ASTN2: variants seen among roughly 807,000 people sequenced by gnomAD.
The protein encoded by ASTN2 is astrotactin-2.
A neutral mutation model predicts 139.8 loss-of-function variants in ASTN2; 54 were observed. The ratio of observed to expected loss-of-function variants is 0.39; its 90% CI spans 0.31 to 0.48. ASTN2 has a LOEUF of 0.48. ASTN2 is among the 20% of genes least tolerant of loss of function. The probability of loss-of-function intolerance (pLI) is 0.95; values close to 1 mark genes in which losing one functional copy is unlikely to be tolerated. For missense variants in ASTN2, 1,565 were observed against 1,725.1 expected (o/e 0.91, Z 1.64); for synonymous variants, 756 against 719.5 (o/e 1.05, Z -0.81).
At chr9:117,027,627 G>T (rs1008345512) in intron 6 of ASTN2, among the ~76,000 whole-genome samples, 2 of 152,294 alleles carry the variant, frequency 1.3e-5, no homozygotes, top group African/African-American at 4.8e-5. Context: ...AATGGGAAAA[G>T]ATGCTAGCAG....
At chr9:116,801,585 C>CAAAAAAAAAAAAAAAAAAAAAAAAAAA (rs397893932) in intron 13 of ASTN2, among the ~76,000 whole-genome samples, 14 of 60,368 alleles carry the variant, frequency 2.3e-4, no homozygotes, top group African/African-American at 3.0e-4. Context: ...GGCTCTGTCT[C>CAAAAAAAAAAAAAAAAAAAAAAAAAAA]AAAAAAAAAA....
chr9:116,660,858 T>C (rs1428841880), intron 16 of ASTN2, among the ~76,000 whole-genome samples: 1 of 152,186 alleles, frequency 6.6e-6, no homozygotes, highest in East Asian at 1.9e-4. Context: ...GGATACTAAC[T>C]CCTCATCCAA....
intron 1 of ASTN2, among the ~76,000 whole-genome samples, chr9:117,304,332 A>G (rs972331987): frequency 3.9e-5 from 6 of 152,128 alleles, no homozygotes; most frequent in Non-Finnish European, 7.3e-5. Flanking sequence ...GTCACGCTAT[A>G]TGTAATCATT....
intron 20 of ASTN2, among the ~76,000 whole-genome samples, chr9:116,484,080 G>C (rs556079055): frequency 2.6e-5 from 4 of 152,246 alleles, no homozygotes; most frequent in Admixed American, 2.6e-4. Context: ...CTGGATGGTC[G>C]TTCCTTCCAA....
At chr9:116,670,006 T>C (rs542199077) in intron 16 of ASTN2, among the ~76,000 whole-genome samples, 1 of 152,250 alleles carries the variant, frequency 6.6e-6, no homozygotes, top group South Asian at 2.1e-4. Context: ...GGTTTCACCA[T>C]GTTGGCCAGG....
At chr9:117,039,606 A>G (rs1838492821) in intron 6 of ASTN2, among the ~76,000 whole-genome samples, 1 of 152,208 alleles carries the variant, frequency 6.6e-6, no homozygotes, top group African/African-American at 2.4e-5. Context: ...GGAAAAAAAA[A>G]TTAAAAAAAA....
intron 13 of ASTN2, among the ~76,000 whole-genome samples, chr9:116,780,169 G>C (rs114241794): frequency 0.014 from 2,149 of 152,288 alleles, 51 homozygotes; most frequent in African/African-American, 0.049. Flanking sequence ...CCAGCCAAGA[G>C]GACAAAGAAG....
intron 2 of ASTN2, among the ~76,000 whole-genome samples, chr9:117,239,861 CTG>C (rs1280169006): frequency 6.6e-6 from 1 of 152,130 alleles, no homozygotes; most frequent in Non-Finnish European, 1.5e-5. Context: ...AAAGCATTTG[CTG>C]TGTGTTTACT....
chr9:116,968,317 C>G (rs2132514476), intron 10 of ASTN2, among the ~76,000 whole-genome samples: 1 of 152,228 alleles, frequency 6.6e-6, no homozygotes, highest in Middle Eastern at 3.4e-3. Flanking sequence ...GCCCATGTTT[C>G]CAGAATGCAC....
chr9:116,998,928 A>G (rs553015689), intron 7 of ASTN2, among the ~76,000 whole-genome samples: 2 of 152,362 alleles, frequency 1.3e-5, no homozygotes, highest in South Asian at 2.1e-4. Context: ...TTTAAACTTT[A>G]GTAACACAGA....
intron 16 of ASTN2, among the ~76,000 whole-genome samples, chr9:116,677,002 G>A (rs1458036475): frequency 3.9e-5 from 6 of 152,212 alleles, no homozygotes; most frequent in Admixed American, 6.5e-5. Context: ...AATATTGGCC[G>A]CTTGGCATGG....
intron 3 of ASTN2, among the ~76,000 whole-genome samples, chr9:117,154,362 C>CAAA (rs1830388428): frequency 6.6e-6 from 1 of 151,850 alleles, no homozygotes; most frequent in South Asian, 2.1e-4. Context: ...TCACCATCAA[C>CAAA]AAAAACACAA....
chr9:117,041,248 CA>C (rs1452507741), intron 5 of ASTN2, among the ~76,000 whole-genome samples: 1 of 152,042 alleles, frequency 6.6e-6, no homozygotes, highest in South Asian at 2.1e-4. Flanking sequence ...GCAATGCCTC[CA>C]CAATTTTTTT....
chr9:116,745,174 G>T (rs1268882066), intron 13 of ASTN2, among the ~76,000 whole-genome samples: 2 of 152,208 alleles, frequency 1.3e-5, no homozygotes, highest in Non-Finnish European at 2.9e-5. Flanking sequence ...GTATAGAGAA[G>T]TGTCTTATTT....
intron 19 of ASTN2, among the ~76,000 whole-genome samples, chr9:116,525,550 A>G (rs942928090): frequency 1.3e-5 from 2 of 152,180 alleles, no homozygotes; most frequent in Admixed American, 1.3e-4. Flanking sequence ...CAAGCATCAG[A>G]TTGAAACTCA....
intron 1 of ASTN2, among the ~76,000 whole-genome samples, chr9:117,317,747 G>C (rs1274034939): frequency 6.6e-6 from 1 of 152,112 alleles, no homozygotes; most frequent in Non-Finnish European, 1.5e-5. Flanking sequence ...GAAGAGACTG[G>C]CTCATGAGAA....
intron 4 of ASTN2, among the ~76,000 whole-genome samples, chr9:117,138,870 C>T (rs1461696408): frequency 6.6e-6 from 1 of 152,090 alleles, no homozygotes. Flanking sequence ...AAGTTTTATG[C>T]AAAAATACTT....
chr9:116,953,510 C>T (rs1185304739), intron 10 of ASTN2, among the ~76,000 whole-genome samples: 1 of 152,222 alleles, frequency 6.6e-6, no homozygotes. Context: ...TTTGCATCCT[C>T]AGTTTCCAAG....
chr9:116,554,818 AAAAG>A (rs903600656), intron 19 of ASTN2, among the ~76,000 whole-genome samples: 8 of 152,334 alleles, frequency 5.3e-5, no homozygotes, highest in African/African-American at 1.4e-4. Flanking sequence ...CAAAAATAAA[AAAAG>A]AAAGAAGAAA....
Sources: allele counts gnomAD v4.1 joint callset (sites outside exome capture counted in the v4.1 genomes callset), GRCh38; gene constraint gnomAD v4.1.1; transcripts MANE v1.5; gene names NCBI Gene and HGNC (gene_info 2026-07-23, HGNC 2026-07-21).